KIF1B: variants seen among roughly 807,000 people sequenced by gnomAD.
KIF1B encodes the protein kinesin-like protein KIF1B.
A neutral mutation model predicts 241.9 loss-of-function variants in KIF1B; 76 were observed. The observed-to-expected ratio is 0.31, with a 90% CI of 0.26 to 0.38. The LOEUF (loss-of-function observed/expected upper bound fraction) is 0.38. Among genes scored for constraint, KIF1B ranks in the 10% least tolerant of loss-of-function variants. The pLI is 1.00. For synonymous variants in KIF1B, 750 were observed against 796.7 expected (o/e 0.94, Z 0.99); for missense variants, 1,622 against 2,271.4 (o/e 0.71, Z 5.81).
chr1:10,213,140 C>A (rs1366551511), intron 1 of KIF1B, among the ~76,000 whole-genome samples: 1 of 151,352 alleles, frequency 6.6e-6, no homozygotes, highest in African/African-American at 2.4e-5. Context: ...AGAAGTATTT[C>A]TAAGTTTTTA....
At chr1:10,242,388 C>G (rs1337049504) in intron 2 of KIF1B, among the ~76,000 whole-genome samples, 1 of 152,258 alleles carries the variant, frequency 6.6e-6, no homozygotes, top group East Asian at 1.9e-4. Context: ...TGCTCCTAGG[C>G]TGTAAACCTG....
At chr1:10,306,189 A>T (rs933894715) in intron 22 of KIF1B, 1 of 1,039,484 alleles carries the variant, frequency 9.6e-7, no homozygotes. Context: ...GCTTTGAGAG[A>T]TATTTTTGCT....
intron 24 of KIF1B, among the ~76,000 whole-genome samples, chr1:10,323,477 G>A (rs1251880487): frequency 6.6e-6 from 1 of 152,052 alleles, no homozygotes; most frequent in Non-Finnish European, 1.5e-5. Flanking sequence ...TTAAAAATCA[G>A]CTAGGCTGGT....
intron 15 of KIF1B, 131 bp downstream of exon 15, chr1:10,282,664 T>G: frequency 1.3e-6 from 1 of 790,320 alleles, no homozygotes; most frequent in Non-Finnish European, 2.1e-6. Flanking sequence ...TCCTGAAAAT[T>G]GAATTTTGTG....
intron 2 of KIF1B, among the ~76,000 whole-genome samples, chr1:10,251,571 C>T (rs1394212994): frequency 6.6e-6 from 1 of 151,848 alleles, no homozygotes; most frequent in Non-Finnish European, 1.5e-5. Flanking sequence ...CCTGTCTCTA[C>T]TAGACATACA....
intron 2 of KIF1B, among the ~76,000 whole-genome samples, chr1:10,238,934 T>C (rs1647095837): frequency 6.6e-6 from 1 of 152,088 alleles, no homozygotes; most frequent in African/African-American, 2.4e-5. Context: ...TTTGGTACTT[T>C]TTTCTTTCAG....
intron 2 of KIF1B, among the ~76,000 whole-genome samples, chr1:10,240,233 G>A (rs912157198): frequency 1.3e-5 from 2 of 151,350 alleles, no homozygotes; most frequent in East Asian, 3.9e-4. Flanking sequence ...TTATGAGGCG[G>A]AGTCTCACTT....
intron 22 of KIF1B, among the ~76,000 whole-genome samples, chr1:10,315,731 A>G (rs1343080242): frequency 6.6e-6 from 1 of 151,372 alleles, no homozygotes; most frequent in Non-Finnish European, 1.5e-5. Context: ...TTTCCTCAGT[A>G]TTAGATTCAA....
At chr1:10,362,371 G>C (rs1030046770) in intron 40 of KIF1B, among the ~76,000 whole-genome samples, 2 of 151,972 alleles carry the variant, frequency 1.3e-5, no homozygotes, top group African/African-American at 4.8e-5. Flanking sequence ...AGCTACTCAG[G>C]AGGCTGAGGT....
intron 2 of KIF1B, among the ~76,000 whole-genome samples, chr1:10,251,463 G>A (rs1272441661): frequency 1.3e-5 from 2 of 151,790 alleles, no homozygotes; most frequent in East Asian, 1.9e-4. Context: ...GGCTGGGCGC[G>A]GTGGCTCACC....
At chr1:10,307,626 A>T (rs1650893948) in intron 22 of KIF1B, 4 of 1,013,418 alleles carry the variant, frequency 3.9e-6, no homozygotes, top group Non-Finnish European at 4.7e-6. Flanking sequence ...TTTTTTTAAC[A>T]TGATTTTTCT....
chr1:10,278,488 A>G (rs1223723136), intron 13 of KIF1B: 1 of 251,792 alleles, frequency 4.0e-6, no homozygotes, highest in African/African-American at 2.3e-5. Flanking sequence ...TGTTATTTGA[A>G]ATTTTGAGTT....
intron 37 of KIF1B, among the ~76,000 whole-genome samples, chr1:10,350,809 CCTTGG>C (rs1652764853): frequency 6.6e-6 from 1 of 151,652 alleles, no homozygotes; most frequent in Non-Finnish European, 1.5e-5. Context: ...AGATTAAGAA[CCTTGG>C]GGCCAGGCAC....
chr1:10,374,529 G>A lies in KIF1B; in HGVS notation c.5096+64G>A. ...ACAAATCCACAGGAAGAAGTGACTG[G>A]CCAGCTCTTCCCTGTGAGGTCTGTA... On this transcript the variant is annotated intron_variant, in intron 46 of 48. Coordinates refer to ENST00000676179, the MANE Select transcript of KIF1B (RefSeq NM_001365951.3). The surrounding 1 kb of genome is among the most constrained non-coding windows in gnomAD (Gnocchi z 4.3). 3 of 1,548,230 alleles carry A rather than the reference G, an allele frequency of 1.9e-6. No homozygotes were observed. The highest frequency in any genetic ancestry group is 2.7e-6 in the Non-Finnish European group (3 of 1,121,758).
chr1:10,288,068 C>T (rs1400441786), intron 15 of KIF1B, among the ~76,000 whole-genome samples: 1 of 152,118 alleles, frequency 6.6e-6, no homozygotes, highest in Non-Finnish European at 1.5e-5. Context: ...TAGGTTATAT[C>T]ATCAGCTTGT....
At position 10,337,263 on chromosome 1, in the gene KIF1B, A is replaced by G; in HGVS notation, c.3259+60A>G. The G allele has an allele frequency of 6.2e-7, 1 of 1,613,318 alleles. No individual in the cohort carries two copies. On this transcript the variant is annotated intron_variant, in intron 30 of 48. Transcript: ENST00000676179. This position sits in a 1 kb window ranked among gnomAD's most constrained non-coding sequence, Gnocchi z 4.0. The stretch of plus-strand genomic sequence containing the variant: ...TTTCGACAAAGGGAAAATATTGACC[A>G]TTATCAAGGGACATAGTGGCCTTCA...
Position 10,326,213 on chromosome 1 carries a change from G to A in KIF1B, c.2778G>A (p.Glu926=). 6.2e-7 allele frequency: 1 copy of A among 1,614,172 alleles called. No individual in the cohort carries two copies. Among genetic ancestry groups the A allele is most frequent in the East Asian group, 2.2e-5 (1 of 44,874 alleles). ...ADSDITELAD[E]QQDEMEDFDD... Reference sequence around the variant, plus strand: ...CCGACATCACTGAGCTGGCTGACGAGCAGCAAGATGAGATGGAGGATTTTG... The same window carrying A: ...CCGACATCACTGAGCTGGCTGACGAACAGCAAGATGAGATGGAGGATTTTG... The change falls in exon 27 of 49, where the codon GAG becomes GAA. Residue 926 remains glutamate, a synonymous_variant. Coordinates refer to ENST00000676179, the MANE Select transcript of KIF1B (RefSeq NM_001365951.3). The surrounding 1 kb of genome is among the most constrained non-coding windows in gnomAD (Gnocchi z 5.2).
At chr1:10,244,315 CTTTTTT>C (rs571243520) in intron 2 of KIF1B, among the ~76,000 whole-genome samples, 9 of 127,538 alleles carry the variant, frequency 7.1e-5, no homozygotes, top group African/African-American at 2.7e-4. Flanking sequence ...TTTTTCTTTT[CTTTTTT>C]TTTTTTTTTT....
At chr1:10,294,619 A>T (rs1447649448) in intron 17 of KIF1B, among the ~76,000 whole-genome samples, 1 of 152,162 alleles carries the variant, frequency 6.6e-6, no homozygotes, top group Non-Finnish European at 1.5e-5. Context: ...TATAGTCCCA[A>T]CACTTTGGGA....
Sources: allele counts gnomAD v4.1 joint callset (sites outside exome capture counted in the v4.1 genomes callset), GRCh38; gene constraint gnomAD v4.1.1; non-coding constraint Gnocchi (gnomAD v3.1); transcripts MANE v1.5; gene names NCBI Gene and HGNC (gene_info 2026-07-23, HGNC 2026-07-21).